CRTC1: variants seen among roughly 807,000 people sequenced by gnomAD.
CRTC1 encodes CREB regulated transcription coactivator 1, also known as CREB-regulated transcription coactivator 1.
A neutral mutation model predicts 66.1 loss-of-function variants in CRTC1; 18 were observed. The ratio of observed to expected loss-of-function variants is 0.27; its 90% CI spans 0.19 to 0.40. CRTC1 has a LOEUF of 0.40. CRTC1 is among the 10% of genes least tolerant of loss of function. The pLI is 1.00. For synonymous variants in CRTC1, 416 were observed against 398.8 expected, an observed-to-expected ratio of 1.04 and a Z score of -0.51; for missense variants, 669 against 887.9, an observed-to-expected ratio of 0.75 and a Z score of 3.13.
intron 1 of CRTC1, among the ~76,000 whole-genome samples, chr19:18,684,086 G>T (rs1479276095): frequency 6.6e-6 from 1 of 151,896 alleles, no homozygotes; most frequent in African/African-American, 2.4e-5. Flanking sequence ...GGAGACAGGG[G>T]CCTCTATATC....
At chr19:18,750,194 C>G (rs2054332479) in intron 5 of CRTC1, among the ~76,000 whole-genome samples, 2 of 152,198 alleles carry the variant, frequency 1.3e-5, no homozygotes, top group African/African-American at 4.8e-5. Flanking sequence ...GGCAGCAAGC[C>G]CACGCAAAGG....
chr19:18,736,947 G>A (rs2054010127), intron 1 of CRTC1, among the ~76,000 whole-genome samples: 1 of 152,190 alleles, frequency 6.6e-6, no homozygotes, highest in Non-Finnish European at 1.5e-5. Context: ...AGGTGTCGCT[G>A]TGCCCTGTGC....
At chr19:18,700,346 C>A (rs2053104020) in intron 1 of CRTC1, among the ~76,000 whole-genome samples, 1 of 152,132 alleles carries the variant, frequency 6.6e-6, no homozygotes, top group Non-Finnish European at 1.5e-5. Flanking sequence ...TATCCACATA[C>A]CCCACTCTGG....
chr19:18,749,662 C>A (rs1416615847), intron 4 of CRTC1, 119 bp from the exon 5 acceptor site: 3 of 796,306 alleles, frequency 3.8e-6, no homozygotes, highest in Non-Finnish European at 6.5e-6. Flanking sequence ...GGTGCAGCAG[C>A]TCACAAAAAT....
rs528704414 is a variant in CRTC1, at chr19:18,744,267, G to C, written c.243+1241G>C. 10 of 1,018,842 alleles carry C rather than the reference G, an allele frequency of 9.8e-6. No individual in the cohort carries two copies. In the African/African-American group the frequency reaches 1.6e-4, roughly 16 times the overall value. 63.1% of individuals were successfully genotyped at this position (1,018,842 alleles called of 1,614,324 possible). ...AGCTCCCCAAGCGGCCGCCCCTGCG[G>C]CTCCCAGGGAGGTGGAGGTGTCCCG... On this transcript the variant is annotated intron_variant, in intron 2 of 13. Transcript: ENST00000321949.
intron 10 of CRTC1, among the ~76,000 whole-genome samples, chr19:18,770,689 TTG>T (rs1210127993): frequency 6.6e-6 from 1 of 150,450 alleles, no homozygotes; most frequent in East Asian, 2.0e-4. Context: ...GTATGTACAT[TTG>T]TGGATGTGTG....
Position 18,727,331 on chromosome 19 carries a change from G to A in CRTC1, c.127-15579G>A, listed in dbSNP as rs115246503. Among the ~76,000 whole-genome samples, 779 of 151,630 alleles carry A rather than the reference G, an allele frequency of 5.1e-3. 6 individuals carry two copies. The highest frequency in any genetic ancestry group is 0.016 in the African/African-American group (663 of 41,350). ...GCACGGTGGTTCACGCGTGTAATCC[G>A]AGCACTTTGGTAGGCCGAGGCAGGC... On this transcript the variant is annotated intron_variant, in intron 1 of 13. Coordinates refer to ENST00000321949, the MANE Select transcript of CRTC1 (RefSeq NM_015321.3).
chr19:18,748,320 G>A (rs79166964), intron 4 of CRTC1, among the ~76,000 whole-genome samples: 2 of 149,264 alleles, frequency 1.3e-5, no homozygotes, highest in South Asian at 4.2e-4. Context: ...GCGATCACAG[G>A]TCACTGCAGC....
chr19:18,757,544 G>C lies in CRTC1; in HGVS notation c.625-2007G>C, dbSNP rs559498581. Among the ~76,000 whole-genome samples the C allele has an allele frequency of 2.0e-5, 3 of 152,292 alleles. No individual in the cohort carries two copies. The East Asian group carries it at 5.8e-4, about 29-fold the overall frequency. On this transcript the variant is annotated intron_variant, in intron 6 of 13. Coordinates refer to ENST00000321949, the MANE Select transcript of CRTC1 (RefSeq NM_015321.3). ...TTGGAGGTACCCGGCAGGTCTTTCT[G>C]CTGGGATTATGATTTTCTTTCCCAT... is the stretch of plus-strand genomic sequence containing the variant.
At chr19:18,715,456 A>G (rs2053485900) in intron 1 of CRTC1, among the ~76,000 whole-genome samples, 1 of 152,202 alleles carries the variant, frequency 6.6e-6, no homozygotes, top group Non-Finnish European at 1.5e-5. Flanking sequence ...CTACTCCAAC[A>G]TGACTTTAAC....
intron 1 of CRTC1, among the ~76,000 whole-genome samples, chr19:18,702,973 G>A (rs2053181735): frequency 6.6e-6 from 1 of 151,588 alleles, no homozygotes. Context: ...TTGAGATGGA[G>A]TCTCGCTCTC....
intron 6 of CRTC1, 66 bp from the exon 7 acceptor site, chr19:18,759,485 A>G: frequency 6.5e-7 from 1 of 1,529,040 alleles, no homozygotes; most frequent in South Asian, 1.1e-5. Context: ...AAGGAGGCCC[A>G]GTGCCCAGGA....
chr19:18,722,780 C>T (rs2053657839), intron 1 of CRTC1, among the ~76,000 whole-genome samples: 1 of 152,142 alleles, frequency 6.6e-6, no homozygotes. Flanking sequence ...TCCCCATTTC[C>T]ACTCCCAGCC....
chr19:18,722,536 G>A (rs1225340957), intron 1 of CRTC1, among the ~76,000 whole-genome samples: 5 of 152,222 alleles, frequency 3.3e-5, no homozygotes, highest in Admixed American at 6.5e-5. Context: ...AGAAGGCCAC[G>A]TGATGAAGGA....
chr19:18,691,887 T>C (rs1600749401), intron 1 of CRTC1, among the ~76,000 whole-genome samples: 1 of 152,042 alleles, frequency 6.6e-6, no homozygotes, highest in East Asian at 1.9e-4. Context: ...GTAATTTTTG[T>C]ATTTTCAGTA....
intron 1 of CRTC1, among the ~76,000 whole-genome samples, chr19:18,720,002 G>A (rs149372511): frequency 1.8e-3 from 267 of 152,310 alleles, no homozygotes; most frequent in African/African-American, 5.7e-3. Context: ...CAGCATCCCC[G>A]CCAGTGGTTT....
chr19:18,711,696 C>T (rs542265747), intron 1 of CRTC1, among the ~76,000 whole-genome samples: 2 of 152,148 alleles, frequency 1.3e-5, no homozygotes, highest in South Asian at 2.1e-4. Context: ...CGGGCAGTTC[C>T]GCCCATTCCC....
intron 11 of CRTC1, among the ~76,000 whole-genome samples, chr19:18,773,182 G>A (rs1451149862): frequency 6.6e-6 from 1 of 152,072 alleles, no homozygotes; most frequent in African/African-American, 2.4e-5. Flanking sequence ...ATCAGTACGG[G>A]GCTCTCAGGG....
rs992019230 is a variant in CRTC1 at position 18,781,223 on chromosome 19, C to T, written c.*3841C>T. 4.4e-6 allele frequency: 1 copy of T among 226,828 alleles called. No homozygotes were observed. Among genetic ancestry groups the T allele is most frequent in the African/African-American group, 2.2e-5 (1 of 44,872 alleles). 14.1% of individuals were successfully genotyped at this position (226,828 alleles called of 1,614,324 possible). On this transcript the variant is annotated 3_prime_UTR_variant, in exon 14 of 14. Coordinates refer to ENST00000321949, the MANE Select transcript of CRTC1 (RefSeq NM_015321.3). The stretch of plus-strand genomic sequence containing the variant: ...CCACATGTGGTGCCCTGGGCCAGGG[C>T]GTGCGGGCGCCAGAGCCTTCCCTAC...
Sources: gnomAD v4.1 joint callset for allele counts (sites outside exome capture counted in the v4.1 genomes callset) on GRCh38, gnomAD v4.1.1 for gene constraint, MANE v1.5 for transcripts, NCBI Gene and HGNC (gene_info 2026-07-23, HGNC 2026-07-21) for gene names.